PCCA: variants seen among roughly 807,000 people sequenced by gnomAD.
The protein encoded by PCCA is propionyl-CoA carboxylase alpha chain, mitochondrial.
A neutral mutation model predicts 101.3 loss-of-function variants in PCCA; 74 were observed. The observed-to-expected ratio is 0.73, with a 90% CI of 0.61 to 0.89. The LOEUF (loss-of-function observed/expected upper bound fraction) is 0.89. Among genes scored for constraint, PCCA ranks in the 40% least tolerant of loss-of-function variants. The pLI is 0.00. For synonymous variants in PCCA, 294 were observed against 313.6 expected (o/e 0.94, Z 0.66); for missense variants, 891 against 907.0 (o/e 0.98, Z 0.23).
intron 4 of PCCA, among the ~76,000 whole-genome samples, chr13:100,146,098 C>G (rs1315012030): frequency 6.7e-6 from 1 of 150,326 alleles, no homozygotes; most frequent in Non-Finnish European, 1.5e-5. Context: ...CGCCACCACA[C>G]TCGGCTAATT....
chr13:100,386,230 G>A (rs960683840), intron 19 of PCCA, among the ~76,000 whole-genome samples: 3 of 152,190 alleles, frequency 2.0e-5, no homozygotes, highest in African/African-American at 7.2e-5. Flanking sequence ...ATTGGTTTAA[G>A]GAAGAATGTC....
At chr13:100,143,016 C>T (rs547907732) in intron 4 of PCCA, among the ~76,000 whole-genome samples, 1 of 152,318 alleles carries the variant, frequency 6.6e-6, no homozygotes, top group South Asian at 2.1e-4. Flanking sequence ...CTCCCCCTTA[C>T]ATGGGCTTCA....
chr13:100,131,410 G>T (rs114346545), intron 4 of PCCA, among the ~76,000 whole-genome samples: 138 of 152,320 alleles, frequency 9.1e-4, no homozygotes, highest in African/African-American at 2.9e-3. Flanking sequence ...CTCTCACTCT[G>T]CTATGGCCGC....
intron 23 of PCCA, among the ~76,000 whole-genome samples, chr13:100,529,498 T>G (rs1265431315): frequency 6.6e-6 from 1 of 152,070 alleles, no homozygotes; most frequent in Non-Finnish European, 1.5e-5. Context: ...TGATAAAGAT[T>G]GACTGAAACC....
intron 19 of PCCA, among the ~76,000 whole-genome samples, chr13:100,396,065 A>G (rs141635359): frequency 0.014 from 2,123 of 152,334 alleles, 53 homozygotes; most frequent in African/African-American, 0.049. Flanking sequence ...TAGAGAAACA[A>G]TAATTTAACG....
chr13:100,349,146 G>A (rs941909491), intron 18 of PCCA, among the ~76,000 whole-genome samples: 5 of 150,432 alleles, frequency 3.3e-5, no homozygotes, highest in South Asian at 2.1e-4. Context: ...GTTTTGAGAC[G>A]GAGTTTTGCT....
intron 7 of PCCA, among the ~76,000 whole-genome samples, chr13:100,231,713 T>A (rs1474566316): frequency 6.6e-6 from 1 of 152,200 alleles, no homozygotes; most frequent in African/African-American, 2.4e-5. Flanking sequence ...CTACAACTTT[T>A]AATCCTACCT....
intron 21 of PCCA, chr13:100,477,238 A>G (rs997615859): frequency 3.3e-5 from 5 of 152,232 alleles, no homozygotes; most frequent in Admixed American, 6.5e-5. Context: ...TGGTGCATGC[A>G]TAACACTTAG....
chr13:100,238,251 T>C (rs1206884719), intron 8 of PCCA, among the ~76,000 whole-genome samples: 1 of 152,130 alleles, frequency 6.6e-6, no homozygotes, highest in African/African-American at 2.4e-5. Flanking sequence ...TTTTCCACTT[T>C]CGTTATAACC....
At chr13:100,196,505 G>A (rs1020342092) in intron 6 of PCCA, among the ~76,000 whole-genome samples, 10 of 152,072 alleles carry the variant, frequency 6.6e-5, no homozygotes, top group African/African-American at 2.2e-4. Context: ...ACTAAATACC[G>A]TACATAGCTA....
intron 4 of PCCA, 85 bp downstream of exon 4, chr13:100,112,146 C>A: frequency 1.1e-6 from 1 of 918,818 alleles, no homozygotes; most frequent in Non-Finnish European, 1.8e-6. Flanking sequence ...TTTTTCTTGG[C>A]CTGCACAAGA....
Position 100,302,990 on chromosome 13 carries a change from C to A in PCCA, c.1276C>A (p.Leu426Ile). ...RLSQYQEPLH[L>I]PGVRVDSGIQ... is the part of the protein sequence containing the mutation. ...GTCTCAGTACCAAGAACCGTTACATCTACCTGGTGTAAGTCATTAAGCTGT... is the reference window on the plus strand; with the variant it reads ...GTCTCAGTACCAAGAACCGTTACATATACCTGGTGTAAGTCATTAAGCTGT... Residue 426 changes from leucine (L) to isoleucine (I), a missense_variant, in exon 14 of 24, where the codon CTA (leucine) becomes ATA (isoleucine). Coordinates refer to ENST00000376285, the MANE Select transcript of PCCA (RefSeq NM_000282.4). The A allele has an allele frequency of 6.3e-7, 1 of 1,578,050 alleles. No individual in the cohort carries two copies. Among genetic ancestry groups the A allele is most frequent in the Non-Finnish European group, 8.7e-7 (1 of 1,147,240 alleles).
chr13:100,233,847 G>C (rs890468391), intron 7 of PCCA, among the ~76,000 whole-genome samples: 4 of 152,192 alleles, frequency 2.6e-5, no homozygotes, highest in African/African-American at 9.6e-5. Context: ...GCATGCTATA[G>C]AAGTGTTGGA....
At chr13:100,398,647 T>G (rs1028692001) in intron 19 of PCCA, among the ~76,000 whole-genome samples, 3 of 152,150 alleles carry the variant, frequency 2.0e-5, no homozygotes, top group African/African-American at 7.2e-5. Flanking sequence ...CAGGTAAAAT[T>G]ACCATTTATT....
intron 12 of PCCA, among the ~76,000 whole-genome samples, chr13:100,292,527 A>G (rs1457391070): frequency 6.6e-6 from 1 of 152,242 alleles, no homozygotes; most frequent in Non-Finnish European, 1.5e-5. Flanking sequence ...AACTGTGAGT[A>G]TCTTATCCAT....
At chr13:100,503,324 C>T (rs985669114) in intron 21 of PCCA, among the ~76,000 whole-genome samples, 10 of 151,990 alleles carry the variant, frequency 6.6e-5, no homozygotes, top group African/African-American at 2.4e-4. Flanking sequence ...AACCCTGTCT[C>T]TACTAAAAAT....
intron 21 of PCCA, among the ~76,000 whole-genome samples, chr13:100,513,124 A>G (rs1439778839): frequency 1.3e-5 from 2 of 152,264 alleles, no homozygotes; most frequent in Non-Finnish European, 2.9e-5. Context: ...CGTGCAGCAC[A>G]GCACAGGCCA....
At chr13:100,476,818 G>A (rs1201098076) in intron 21 of PCCA, among the ~76,000 whole-genome samples, 4 of 152,138 alleles carry the variant, frequency 2.6e-5, no homozygotes, top group South Asian at 4.2e-4. Flanking sequence ...AGCAAAACTG[G>A]GGGACTCTGA....
rs1241809039 is a variant in PCCA, at chr13:100,482,770, C to T, written c.1900-32657C>T. Among the ~76,000 whole-genome samples, 8 of 152,116 alleles carry T rather than the reference C, an allele frequency of 5.3e-5. No individual in the cohort carries two copies. The East Asian group carries it at 1.5e-3, about 29-fold the overall frequency. ...GTGCAGTGGCTCACGCCTGTAATCC[C>T]AGCACTTTGGGAGGTCGGGGCGGGC... On this transcript the variant is annotated intron_variant, in intron 21 of 23. Coordinates refer to ENST00000376285, the MANE Select transcript of PCCA (RefSeq NM_000282.4).
Sources: gnomAD v4.1 joint callset for allele counts (sites outside exome capture counted in the v4.1 genomes callset) on GRCh38, gnomAD v4.1.1 for gene constraint, MANE v1.5 for transcripts, NCBI Gene and HGNC (gene_info 2026-07-23, HGNC 2026-07-21) for gene names.